The following LGI2 variants were observed in gnomAD, a reference collection of about 807,000 sequenced individuals.
The protein encoded by LGI2 is leucine-rich repeat LGI family member 2.
In LGI2, 30 loss-of-function variants were observed where a neutral mutation model predicts 52.0. The observed-to-expected ratio is 0.58, with a 90% confidence interval of 0.43 to 0.78. The LOEUF is 0.78. Among genes scored for constraint, LGI2 ranks in the 30% least tolerant of loss-of-function variants. The probability of loss-of-function intolerance (pLI) is 0.00; values close to 1 mark genes in which losing one functional copy is unlikely to be tolerated. For synonymous variants in LGI2, 270 were observed against 271.8 expected, an observed-to-expected ratio of 0.99 and a Z score of 0.06; for missense variants, 573 against 692.5, an observed-to-expected ratio of 0.83 and a Z score of 1.94.
chr4:24,996,610 C>G (rs567388424), downstream of LGI2, among the ~76,000 whole-genome samples: 1 of 152,296 alleles, frequency 6.6e-6, no homozygotes, highest in African/African-American at 2.4e-5. Context: ...GGTCCCAACC[C>G]TACTTCCATA....
Position 25,001,584 on chromosome 4 carries a change from A to C in LGI2, c.*1867T>G, listed in dbSNP as rs1725240390. Reference sequence around the variant, plus strand: ...GGAAAAAAAAGTGCAGAAGAAAAGTAATTTGCACTTAAAAATGAAAACAAA... The same window carrying C: ...GGAAAAAAAAGTGCAGAAGAAAAGTCATTTGCACTTAAAAATGAAAACAAA... On this transcript the variant is annotated 3_prime_UTR_variant, in exon 8 of 8. Coordinates refer to ENST00000382114, the MANE Select transcript of LGI2 (RefSeq NM_018176.4). 1 of 152,212 alleles carries C rather than the reference A, an allele frequency of 6.6e-6. No individual in the cohort carries two copies. Among genetic ancestry groups the C allele is most frequent in the African/African-American group, 2.4e-5 (1 of 41,444 alleles). 9.4% of individuals were successfully genotyped at this position (152,212 alleles called of 1,614,324 possible).
At chr4:25,022,087 C>G (rs1336796082) in intron 4 of LGI2, among the ~76,000 whole-genome samples, 1 of 152,120 alleles carries the variant, frequency 6.6e-6, no homozygotes, top group Non-Finnish European at 1.5e-5. Flanking sequence ...AAGAACAGAG[C>G]TAAGGGAAGA....
downstream of LGI2, among the ~76,000 whole-genome samples, chr4:24,996,628 C>T (rs1577539068): frequency 1.3e-5 from 2 of 152,250 alleles, no homozygotes; most frequent in African/African-American, 4.8e-5. Flanking sequence ...ATAGGCTCTG[C>T]AGCCCACACC....
chr4:24,995,707 G>A (rs923816976), downstream of LGI2, among the ~76,000 whole-genome samples: 13 of 152,282 alleles, frequency 8.5e-5, no homozygotes, highest in Admixed American at 6.5e-4. Context: ...CATACTCCAC[G>A]GGAGGGAAAC....
rs1160703882 is a variant in LGI2, at chr4:25,004,317, ACGCATCTC to A, written c.821-57_821-50del. On this transcript the variant is annotated intron_variant, in intron 7 of 7. Transcript: ENST00000382114. The surrounding 1 kb of genome is among the most constrained non-coding windows in gnomAD (Gnocchi z 4.6). ...GACATTAGTGCAACTACAGCTAAAA[ACGCATCTC>A]CGCTTGTACTCTTATACACTGCTGG... The A allele has an allele frequency of 2.7e-6, 4 of 1,508,770 alleles. No homozygotes were observed. The highest frequency in any genetic ancestry group is 3.6e-6 in the Non-Finnish European group (4 of 1,114,028). The allele number at this position is 1,508,770 out of a possible 1,614,324, so 93.5% of individuals were successfully genotyped here. A position where few individuals can be genotyped will look rare whatever the true frequency, so the allele number is the denominator to read the frequency against.
At chr4:25,012,895 G>A (rs1460169899) in intron 6 of LGI2, among the ~76,000 whole-genome samples, 2 of 152,230 alleles carry the variant, frequency 1.3e-5, no homozygotes, top group Non-Finnish European at 2.9e-5. Context: ...GCGGTCCAGT[G>A]AGTTTGGAAA....
At position 25,030,774 on chromosome 4, in the gene LGI2, G is replaced by C. The variant is rs1019119710; in HGVS notation, c.-81C>G. 1.2e-6 allele frequency: 1 copy of C among 809,102 alleles called. No homozygotes were observed. Among genetic ancestry groups the C allele is most frequent in the Non-Finnish European group, 1.5e-6 (1 of 660,730 alleles). The allele number at this position is 809,102 out of a possible 1,614,324, so 50.1% of individuals were successfully genotyped here. A position where few individuals can be genotyped will look rare whatever the true frequency, so the allele number is the denominator to read the frequency against. On this transcript the variant is annotated 5_prime_UTR_variant, in exon 1 of 8. Transcript: ENST00000382114. ...GGACCCGGCGCCGCTGCAGACGCGG[G>C]CGCCGCTCGCTGCTCTGCCGCCGCC...
intron 6 of LGI2, 116 bp from the exon 7 acceptor site, chr4:25,012,615 G>A: frequency 9.7e-7 from 1 of 1,026,762 alleles, no homozygotes. Flanking sequence ...AGGAGGAGGA[G>A]GATAGGAGAG....
At position 25,004,113 on chromosome 4, in the gene LGI2, G is replaced by T; in HGVS notation, c.976C>A (p.Pro326Thr). 2 of 1,614,194 alleles carry T rather than the reference G, an allele frequency of 1.2e-6. No individual in the cohort carries two copies. The highest frequency in any genetic ancestry group is 1.7e-6 in the Non-Finnish European group (2 of 1,180,032). ...ATCTGAAACAGCTCGATGTCATTGG[G>T]CTTGGAAATGCGAGAGACCTCTATG... Reference protein sequence around the residue: ...QDIEVSRISKPNDIELFQIDD... With the variant: ...QDIEVSRISKTNDIELFQIDD... The change falls in exon 8 of 8, where the codon CCC becomes ACC. Residue 326 changes from proline to threonine, a missense_variant. By Grantham distance (38) the Pro-to-Thr change is conservative (BLOSUM62 -1). Coordinates refer to ENST00000382114, the MANE Select transcript of LGI2 (RefSeq NM_018176.4). The surrounding 1 kb of genome is among the most constrained non-coding windows in gnomAD (Gnocchi z 4.6).
At chr4:24,992,755 C>G in the LGI2 span, among the ~76,000 whole-genome samples, 3 of 152,012 alleles carry the variant, frequency 2.0e-5, no homozygotes, top group African/African-American at 7.2e-5. Flanking sequence ...CTCATATGAC[C>G]CACGCAGCAA....
chr4:24,995,722 C>A (rs117013089), downstream of LGI2, among the ~76,000 whole-genome samples: 228 of 152,318 alleles, frequency 1.5e-3, 1 homozygote, highest in East Asian at 0.02. Flanking sequence ...GGAAACCAGG[C>A]TCCACCTCTT....
chr4:25,027,431 C>T (rs887810895), intron 2 of LGI2, among the ~76,000 whole-genome samples: 1 of 150,632 alleles, frequency 6.6e-6, no homozygotes, highest in African/African-American at 2.5e-5. Flanking sequence ...AAGAAACTTT[C>T]AGGAGACTGT....
rs1725182256 is a variant in LGI2, at chr4:24,999,738, G to A, written c.*3713C>T. 2.2e-6 allele frequency: 1 copy of A among 448,262 alleles called. No individual in the cohort carries two copies. Among genetic ancestry groups the A allele is most frequent in the African/African-American group, 2.0e-5 (1 of 49,804 alleles). 27.8% of individuals were successfully genotyped at this position (448,262 alleles called of 1,614,324 possible). A position where few individuals can be genotyped will look rare whatever the true frequency, so the allele number is the denominator to read the frequency against. On this transcript the variant is annotated 3_prime_UTR_variant, in exon 8 of 8. Coordinates refer to ENST00000382114, the MANE Select transcript of LGI2 (RefSeq NM_018176.4). ...GACCGCCAAACCTCTGGCATCCCAT[G>A]CTGATTTCTTTCCTAAAAATACACA...
intron 7 of LGI2, among the ~76,000 whole-genome samples, chr4:25,010,412 G>A (rs558113492): frequency 6.6e-6 from 1 of 152,316 alleles, no homozygotes; most frequent in South Asian, 2.1e-4. Flanking sequence ...GACTGGACAT[G>A]CCTAAACCTT....
intron 6 of LGI2, among the ~76,000 whole-genome samples, chr4:25,013,439 G>A (rs974908977): frequency 1.3e-5 from 2 of 152,146 alleles, no homozygotes; most frequent in Non-Finnish European, 2.9e-5. Context: ...TCTAGTGGAC[G>A]GGGTACCTTC....
chr4:25,021,232 T>G (rs966870623), intron 4 of LGI2, among the ~76,000 whole-genome samples: 1 of 152,228 alleles, frequency 6.6e-6, no homozygotes, highest in African/African-American at 2.4e-5. Flanking sequence ...GCCTTTCCAC[T>G]TCATTTTGTC....
In LGI2 at chr4:25,004,305, C is replaced by T. The variant is rs940122986; in HGVS notation, c.821-37G>A. ...AATAAAGGAGAGGACATTAGTGCAA[C>T]TACAGCTAAAAACGCATCTCCGCTT... On this transcript the variant is annotated intron_variant, in intron 7 of 7. Transcript: ENST00000382114. This position sits in a 1 kb window ranked among gnomAD's most constrained non-coding sequence, Gnocchi z 4.6. 1.9e-6 allele frequency: 3 copies of T among 1,562,240 alleles called. 1 individual carries two copies. In the South Asian group the frequency reaches 3.6e-5, roughly 19 times the overall value.
chr4:25,005,524 CAAAT>C (rs1272624885), intron 7 of LGI2, among the ~76,000 whole-genome samples: 2 of 150,848 alleles, frequency 1.3e-5, no homozygotes, highest in Non-Finnish European at 2.9e-5. Context: ...ATTTTATACA[CAAAT>C]AAATAGATAC....
intron 1 of LGI2, 94 bp downstream of exon 1, chr4:25,030,403 G>A: frequency 2.9e-6 from 4 of 1,363,878 alleles, no homozygotes; most frequent in Non-Finnish European, 4.0e-6. Context: ...GAGTGGGTCA[G>A]GGTCGCGCTG....
Sources: gnomAD v4.1 joint callset for allele counts (sites outside exome capture counted in the v4.1 genomes callset) on GRCh38, gnomAD v4.1.1 for gene constraint, Gnocchi (gnomAD v3.1) non-coding constraint, MANE v1.5 for transcripts, NCBI Gene and HGNC (gene_info 2026-07-23, HGNC 2026-07-21) for gene names.